Variants in PHF24 observed in about 807,000 individuals in gnomAD.
PHF24 encodes the protein Galpha inhibitory interacting protein.
Under a neutral mutation model 42.6 loss-of-function variants are expected in PHF24, and 25 were observed. The ratio of observed to expected loss-of-function variants is 0.59; its 90% confidence interval spans 0.43 to 0.82. The LOEUF (loss-of-function observed/expected upper bound fraction) is 0.82. Among genes scored for constraint, PHF24 ranks in the 40% least tolerant of loss-of-function variants. PHF24 has a pLI of 0.00. For missense variants in PHF24, 470 were observed against 538.1 expected, an observed-to-expected ratio of 0.87 and a Z score of 1.25; for synonymous variants, 185 against 204.8, an observed-to-expected ratio of 0.90 and a Z score of 0.83.
At chr9:34,688,171 C>A in the PHF24 span, among the ~76,000 whole-genome samples, 1 of 152,122 alleles carries the variant, frequency 6.6e-6, no homozygotes, top group Non-Finnish European at 1.5e-5. Flanking sequence ...CTTTTCAAGG[C>A]CTGCCCAGGC....
At chr9:34,745,946 G>C in the PHF24 span, among the ~76,000 whole-genome samples, 3 of 151,932 alleles carry the variant, frequency 2.0e-5, no homozygotes, top group Non-Finnish European at 2.9e-5. Flanking sequence ...AAAAACTTTG[G>C]TAAAACTACC....
chr9:34,763,330 G>GCTCT, the PHF24 span, among the ~76,000 whole-genome samples: 1 of 152,210 alleles, frequency 6.6e-6, no homozygotes, highest in Non-Finnish European at 1.5e-5. Context: ...CTACCCATGA[G>GCTCT]CATGGAATGT....
the PHF24 span, among the ~76,000 whole-genome samples, chr9:34,773,868 T>C: frequency 6.6e-6 from 1 of 152,198 alleles, no homozygotes; most frequent in Non-Finnish European, 1.5e-5. Flanking sequence ...TGAGGATTTA[T>C]GACAGCTGAA....
intron 1 of PHF24, among the ~76,000 whole-genome samples, chr9:34,960,584 G>T (rs1230152139): frequency 6.6e-6 from 1 of 152,126 alleles, no homozygotes; most frequent in Non-Finnish European, 1.5e-5. Flanking sequence ...CAAACCTGAA[G>T]ATATGATCTT....
the PHF24 span, among the ~76,000 whole-genome samples, chr9:34,820,877 C>A: frequency 6.6e-6 from 1 of 152,164 alleles, no homozygotes; most frequent in Non-Finnish European, 1.5e-5. Flanking sequence ...CCTTTTTCTC[C>A]ACAATCTTGC....
At chr9:34,688,012 C>G in the PHF24 span, among the ~76,000 whole-genome samples, 2 of 152,162 alleles carry the variant, frequency 1.3e-5, no homozygotes, top group Non-Finnish European at 2.9e-5. Context: ...AAAACTATCC[C>G]TATCCCTCCC....
chr9:34,764,012 G>A, the PHF24 span, among the ~76,000 whole-genome samples: 32 of 151,952 alleles, frequency 2.1e-4, no homozygotes, highest in East Asian at 4.8e-3. Flanking sequence ...ATTGATTTGC[G>A]TATATTGAAC....
chr9:34,802,918 C>A, the PHF24 span, among the ~76,000 whole-genome samples: 3 of 152,262 alleles, frequency 2.0e-5, no homozygotes, highest in South Asian at 6.2e-4. Context: ...GACTTCCTGC[C>A]ATTAGACTTG....
chr9:34,974,733 A>C (rs1017696073), intron 3 of PHF24, among the ~76,000 whole-genome samples: 2 of 151,950 alleles, frequency 1.3e-5, no homozygotes, highest in African/African-American at 4.8e-5. Context: ...TCCAGACCTA[A>C]ATTTCCTGTC....
chr9:34,890,076 A>G, the PHF24 span, among the ~76,000 whole-genome samples: 2 of 152,322 alleles, frequency 1.3e-5, no homozygotes, highest in East Asian at 1.9e-4. Context: ...CCGCAGATCC[A>G]GACAGATCCT....
chr9:34,729,937 A>G, the PHF24 span, among the ~76,000 whole-genome samples: 2 of 152,274 alleles, frequency 1.3e-5, no homozygotes, highest in East Asian at 3.9e-4. Flanking sequence ...GTTTTAGGCA[A>G]TGGGTGATTG....
At chr9:34,910,301 CT>C in the PHF24 span, among the ~76,000 whole-genome samples, 1 of 152,044 alleles carries the variant, frequency 6.6e-6, no homozygotes, top group South Asian at 2.1e-4. Flanking sequence ...CCTTTCCCTC[CT>C]TTTTTCCCCT....
chr9:34,859,945 C>T, the PHF24 span, among the ~76,000 whole-genome samples: 1 of 152,098 alleles, frequency 6.6e-6, no homozygotes, highest in East Asian at 1.9e-4. Context: ...ATATATCAAC[C>T]AGTCATCTGC....
chr9:34,913,456 T>G, the PHF24 span, among the ~76,000 whole-genome samples: 7 of 152,330 alleles, frequency 4.6e-5, no homozygotes, highest in East Asian at 1.3e-3. Context: ...TAGAATACGT[T>G]TCACAGAATT....
chr9:34,933,930 A>G, the PHF24 span, among the ~76,000 whole-genome samples: 1 of 151,782 alleles, frequency 6.6e-6, no homozygotes, highest in East Asian at 2.0e-4. Context: ...CTTTTAGTAG[A>G]GACAGGGTTT....
the PHF24 span, among the ~76,000 whole-genome samples, chr9:34,934,279 AG>A: frequency 3.3e-5 from 5 of 152,174 alleles, 1 homozygote; most frequent in East Asian, 7.7e-4. Flanking sequence ...GTCTATGGTG[AG>A]GGGGAGTTAA....
At chr9:34,963,352 G>GT (rs1213138981) in intron 1 of PHF24, among the ~76,000 whole-genome samples, 16 of 134,534 alleles carry the variant, frequency 1.2e-4, no homozygotes, top group South Asian at 2.5e-4. Context: ...CGTTTGTTTT[G>GT]TTTTTTTACA....
At chr9:34,958,017 A>C (rs1826427825), upstream of PHF24, among the ~76,000 whole-genome samples, 1 of 150,664 alleles carries the variant, frequency 6.6e-6, no homozygotes, top group African/African-American at 2.4e-5. The surrounding 1 kb of genome is among the most constrained non-coding windows in gnomAD (Gnocchi z 4.5). Flanking sequence ...TGCTCATCGG[A>C]GCCGTCCGCC....
the PHF24 span, among the ~76,000 whole-genome samples, chr9:34,868,920 A>C: frequency 1.3e-5 from 2 of 152,234 alleles, no homozygotes; most frequent in East Asian, 3.9e-4. Flanking sequence ...CCAGCCCTGC[A>C]TGACAGGCCC....
Sources: allele counts gnomAD v4.1 joint callset (sites outside exome capture counted in the v4.1 genomes callset), GRCh38; gene constraint gnomAD v4.1.1; non-coding constraint Gnocchi (gnomAD v3.1); transcripts MANE v1.5; gene names NCBI Gene and HGNC (gene_info 2026-07-23, HGNC 2026-07-21).